The following URAD variants were observed in gnomAD, a reference collection of about 807,000 sequenced individuals.
URAD encodes the protein ureidoimidazoline (2-oxo-4-hydroxy-4-carboxy-5-) decarboxylase.
Under a neutral mutation model 4.6 loss-of-function variants are expected in URAD, and 4 were observed. The ratio of observed to expected loss-of-function variants is 0.87; its 90% CI spans 0.43 to 1.98. The LOEUF (loss-of-function observed/expected upper bound fraction) is 1.98, where lower values mean the gene tolerates loss of function less well. Among genes scored for constraint, URAD ranks in the 30% most tolerant of loss-of-function variants. URAD has a pLI of 0.03. For missense variants in URAD, 300 were observed against 255.3 expected (o/e 1.18, Z -1.19); for synonymous variants, 144 against 118.2 (o/e 1.22, Z -1.41).
At chr13:27,986,612 T>C (rs553847541) in intron 1 of URAD, among the ~76,000 whole-genome samples, 4 of 152,334 alleles carry the variant, frequency 2.6e-5, no homozygotes, top group Non-Finnish European at 5.9e-5. Flanking sequence ...ACAATAGATC[T>C]AAATTATTCA....
chr13:27,981,210 G>C (rs1031607893), intron 1 of URAD, among the ~76,000 whole-genome samples: 4 of 152,116 alleles, frequency 2.6e-5, no homozygotes, highest in Admixed American at 1.3e-4. Context: ...TGGTGTCTAT[G>C]TGTCCACTGG....
intron 1 of URAD, among the ~76,000 whole-genome samples, chr13:27,982,937 T>G (rs1370395230): frequency 1.3e-5 from 2 of 152,158 alleles, no homozygotes; most frequent in Non-Finnish European, 2.9e-5. Flanking sequence ...CCATCTCTAC[T>G]GCGCCAACCA....
intron 1 of URAD, among the ~76,000 whole-genome samples, chr13:27,981,815 A>G (rs7330264): frequency 0.94 from 143,484 of 152,236 alleles, 68,181 homozygotes; most frequent in East Asian, 1. Flanking sequence ...TCCCCACACC[A>G]CTTACCCTTA....
Position 27,978,399 on chromosome 13 carries a change from G to C in URAD, c.229C>G (p.Arg77Gly). 1 of 1,395,276 alleles carries C rather than the reference G, an allele frequency of 7.2e-7. No individual in the cohort carries two copies. The highest frequency in any genetic ancestry group is 9.3e-7 in the Non-Finnish European group (1 of 1,079,866). The allele number at this position is 1,395,276 out of a possible 1,614,324, so 86.4% of individuals were successfully genotyped here. A position where few individuals can be genotyped will look rare whatever the true frequency, so the allele number is the denominator to read the frequency against. The change falls in exon 2 of 2, where the codon CGG becomes GGG. Residue 77 changes from arginine to glycine, a missense_variant. Arg to Gly is a moderately radical substitution (Grantham distance 125). Coordinates refer to ENST00000332715, the MANE Select transcript of URAD (RefSeq NM_001105577.2). ...TGCGACTCGGCCGTGAGCGTGCCCC[G>C]CTGCAGCTCGCTGCCCGCCAGGTCC... ...HPDLAGSELQRGTLTAESQRE... is the reference protein window; with the variant it reads ...HPDLAGSELQGGTLTAESQRE...
intron 1 of URAD, among the ~76,000 whole-genome samples, chr13:27,986,920 G>A (rs189251124): frequency 2.4e-3 from 368 of 152,290 alleles, no homozygotes; most frequent in Non-Finnish European, 3.9e-3. Context: ...GAAAGCTCCA[G>A]TGATGACCCC....
chr13:27,984,375 C>G (rs1566042852), intron 1 of URAD, among the ~76,000 whole-genome samples: 1 of 152,192 alleles, frequency 6.6e-6, no homozygotes, highest in African/African-American at 2.4e-5. Flanking sequence ...CATCTTTAAT[C>G]TGTGGGAACT....
chr13:27,979,258 A>T (rs969869940), intron 1 of URAD, among the ~76,000 whole-genome samples: 3 of 152,146 alleles, frequency 2.0e-5, no homozygotes, highest in African/African-American at 7.2e-5. Context: ...GCCCCAGAGA[A>T]CAGCGTTTAC....
chr13:27,986,039 A>T (rs1327481945), intron 1 of URAD, among the ~76,000 whole-genome samples: 12 of 152,192 alleles, frequency 7.9e-5, no homozygotes, highest in Admixed American at 7.9e-4. Flanking sequence ...TGAGGCTCCC[A>T]GCTGCTCCCA....
chr13:27,978,382 G>A lies in URAD; in HGVS notation c.246C>T (p.Ala82=). The A allele has an allele frequency of 7.1e-7, 1 of 1,401,290 alleles. No homozygotes were observed. Among genetic ancestry groups the A allele is most frequent in the Non-Finnish European group, 9.2e-7 (1 of 1,083,766 alleles). 86.8% of individuals were successfully genotyped at this position (1,401,290 alleles called of 1,614,324 possible). A position where few individuals can be genotyped will look rare whatever the true frequency, so the allele number is the denominator to read the frequency against. Residue 82 remains alanine, a synonymous_variant, in exon 2 of 2, where the codon GCC becomes GCT. Transcript: ENST00000332715. ...CGCCGCTCTGTTCCCGCTGCGACTC[G>A]GCCGTGAGCGTGCCCCGCTGCAGCT... ...GSELQRGTLT[A]ESQREQSGAG... is the part of the protein sequence containing the mutation.
In URAD at chr13:27,978,910, G is replaced by A. The variant is rs897165598; in HGVS notation, c.176-458C>T. On this transcript the variant is annotated intron_variant, in intron 1 of 1. Coordinates refer to ENST00000332715, the MANE Select transcript of URAD (RefSeq NM_001105577.2). ...GGGGGCTTTGATGTCTAAAGGGGCC[G>A]GACGCAAGGGCCTGAAGACTTCCTG... Among the ~76,000 whole-genome samples, 8 of 152,178 alleles carry A rather than the reference G, an allele frequency of 5.3e-5. No individual in the cohort carries two copies. The South Asian group carries it at 1.2e-3, about 24-fold the overall frequency.
intron 1 of URAD, among the ~76,000 whole-genome samples, chr13:27,983,323 G>A (rs988356683): frequency 1.2e-4 from 18 of 151,936 alleles, no homozygotes; most frequent in Admixed American, 2.0e-4. Context: ...TCCGTCTTCC[G>A]GGTTCAAGTG....
intron 1 of URAD, among the ~76,000 whole-genome samples, chr13:27,984,760 C>T (rs1457161259): frequency 6.6e-6 from 1 of 152,052 alleles, no homozygotes; most frequent in Admixed American, 6.5e-5. Context: ...GGGCGGATCA[C>T]AAGGTCAGGA....
At chr13:27,981,851 C>T (rs567680118) in intron 1 of URAD, among the ~76,000 whole-genome samples, 1 of 152,158 alleles carries the variant, frequency 6.6e-6, no homozygotes, top group Non-Finnish European at 1.5e-5. Context: ...GCCTTAGAAT[C>T]CCTCATCCCA....
intron 1 of URAD, among the ~76,000 whole-genome samples, chr13:27,983,472 A>G (rs897659500): frequency 1.5e-4 from 23 of 152,004 alleles, no homozygotes; most frequent in Admixed American, 1.5e-3. Flanking sequence ...CAAGTGATCC[A>G]TCTGCCTCAT....
intron 1 of URAD, among the ~76,000 whole-genome samples, chr13:27,986,747 C>CA (rs1344909833): frequency 6.6e-6 from 1 of 152,118 alleles, no homozygotes; most frequent in Non-Finnish European, 1.5e-5. Context: ...TCCAGTGAGG[C>CA]TGTCATTTTG....
At chr13:27,982,379 C>T (rs1054167531) in intron 1 of URAD, among the ~76,000 whole-genome samples, 1 of 152,146 alleles carries the variant, frequency 6.6e-6, no homozygotes, top group African/African-American at 2.4e-5. Flanking sequence ...TGAGATTGCG[C>T]CACTGCACTC....
chr13:27,982,078 CCT>C (rs1406497677), intron 1 of URAD, among the ~76,000 whole-genome samples: 2 of 152,128 alleles, frequency 1.3e-5, no homozygotes, highest in Non-Finnish European at 2.9e-5. Flanking sequence ...CAATGCCTGA[CCT>C]CTTCTTTCTC....
chr13:27,987,761 G>C (rs954993247), intron 1 of URAD, among the ~76,000 whole-genome samples: 1 of 152,116 alleles, frequency 6.6e-6, no homozygotes, highest in African/African-American at 2.4e-5. Context: ...CATTCTTCCA[G>C]TCCATGTCTG....
At chr13:27,982,004 C>G (rs1470623431) in intron 1 of URAD, among the ~76,000 whole-genome samples, 2 of 152,138 alleles carry the variant, frequency 1.3e-5, no homozygotes, top group African/African-American at 2.4e-5. Flanking sequence ...CACTCTGTCA[C>G]GTTTCGAGCC....
Sources: allele counts gnomAD v4.1 joint callset (sites outside exome capture counted in the v4.1 genomes callset), GRCh38; gene constraint gnomAD v4.1.1; transcripts MANE v1.5; gene names NCBI Gene and HGNC (gene_info 2026-07-23, HGNC 2026-07-21).